Variants in SHC2 observed in about 807,000 individuals in gnomAD.
SHC2 encodes the protein SHC adaptor protein 2.
In SHC2, 62 loss-of-function variants were observed where a neutral mutation model predicts 60.6. The observed-to-expected ratio is 1.02, with a 90% CI of 0.83 to 1.26. SHC2 has a LOEUF of 1.26. Ranked by LOEUF, SHC2 falls within the 50% of genes most tolerant of loss-of-function variation. SHC2 has a pLI of 0.00. For synonymous variants in SHC2, 375 were observed against 372.4 expected, an observed-to-expected ratio of 1.01 and a Z score of -0.08; for missense variants, 873 against 822.2, an observed-to-expected ratio of 1.06 and a Z score of -0.76.
intron 1 of SHC2, among the ~76,000 whole-genome samples, chr19:450,390 G>A (rs777484094): frequency 6.6e-5 from 10 of 152,154 alleles, no homozygotes; most frequent in South Asian, 2.1e-4. Flanking sequence ...GTCTTTAATC[G>A]CACGGTTCAG....
intron 1 of SHC2, among the ~76,000 whole-genome samples, chr19:442,810 A>AGTGGATGG (rs1194648351): frequency 4.1e-4 from 6 of 14,542 alleles, no homozygotes; most frequent in Admixed American, 8.8e-4. Context: ...TGGGTGGATG[A>AGTGGATGG]GTGGATGGGT....
chr19:424,949 A>AC lies in SHC2; in HGVS notation c.1309+147dup, dbSNP rs1974371786. The stretch of plus-strand genomic sequence containing the variant: ...GAGACAGACTGGGCTTCCCCGTCCC[A>AC]CCCGTCGACTTGAAGGATCTCACGG... On this transcript the variant is annotated intron_variant, in intron 10 of 12. Coordinates refer to ENST00000264554, the MANE Select transcript of SHC2 (RefSeq NM_012435.3). This position sits in a 1 kb window ranked among gnomAD's most constrained non-coding sequence, Gnocchi z 4.5. 1.2e-6 allele frequency: 1 copy of AC among 866,586 alleles called. No homozygotes were observed. The highest frequency in any genetic ancestry group is 1.6e-6 in the Non-Finnish European group (1 of 620,490). 53.7% of individuals were successfully genotyped at this position (866,586 alleles called of 1,614,324 possible).
Position 438,828 on chromosome 19 carries a change from TGTTGGGGGCCTGA to T in SHC2, c.601-4_609del. ...TTGCCCAGGACGGACGCCAGGGCCTTGTTGGGGGCCTGAGTTGGGGGCGGAGCACAGCGAGGGC... is the reference window on the plus strand; with the variant it reads ...TTGCCCAGGACGGACGCCAGGGCCTTGTTGGGGGCGGAGCACAGCGAGGGC... On this transcript the variant is annotated splice_acceptor_variant and splice_polypyrimidine_tract_variant and coding_sequence_variant and intron_variant, in exon 4 of 13. Coordinates refer to ENST00000264554, the MANE Select transcript of SHC2 (RefSeq NM_012435.3). LOFTEE classifies it high-confidence loss of function. This position sits in a 1 kb window ranked among gnomAD's most constrained non-coding sequence, Gnocchi z 5.0. 1.3e-6 allele frequency: 2 copies of T among 1,567,534 alleles called. No homozygotes were observed. Among genetic ancestry groups the T allele is most frequent in the Non-Finnish European group, 1.7e-6 (2 of 1,157,324 alleles).
chr19:424,470 A>C lies in SHC2; in HGVS notation c.1309+627T>G, dbSNP rs1331504674. ...CTAGGGAGACCCAGAGTCAGCGTGC[A>C]AGACCAGCGGGCCAGGCAGTCGTCC... On this transcript the variant is annotated intron_variant, in intron 10 of 12. Coordinates refer to ENST00000264554, the MANE Select transcript of SHC2 (RefSeq NM_012435.3). This position sits in a 1 kb window ranked among gnomAD's most constrained non-coding sequence, Gnocchi z 4.5. 2.0e-5 allele frequency among the ~76,000 whole-genome samples: 3 copies of C among 152,088 alleles called. No individual in the cohort carries two copies. The highest frequency in any genetic ancestry group is 6.5e-5 in the Admixed American group (1 of 15,274).
In SHC2 at chr19:419,052, C is replaced by A. The variant is rs867856943; in HGVS notation, c.1625G>T (p.Arg542Leu). 1 of 1,580,850 alleles carries A rather than the reference C, an allele frequency of 6.3e-7. No homozygotes were observed. Among genetic ancestry groups the A allele is most frequent in the South Asian group, 1.2e-5 (1 of 86,352 alleles). The change falls in exon 12 of 13, where the codon CGG becomes CTG. Residue 542 changes from arginine (R) to leucine (L), a missense_variant. Arg to Leu is a moderately radical substitution (Grantham distance 102). Coordinates refer to ENST00000264554, the MANE Select transcript of SHC2 (RefSeq NM_012435.3). ...GCTCTCAAACAGCACGTCCTTCGTCCGTACCTGCGGGACAGAGACCTCGGC... is the reference window on the plus strand; with the variant it reads ...GCTCTCAAACAGCACGTCCTTCGTCAGTACCTGCGGGACAGAGACCTCGGC... The part of the protein sequence containing the change: ...LLLVDPEGVV[R>L]TKDVLFESIS...
rs1975515328 is a variant in SHC2, at chr19:460,456, G to A, written c.468+73C>T. Reference sequence around the variant, plus strand: ...GGGACACCTGGCTCGCGGGGTCCGGGGGTCCCGGAGGAGAGGGTGGGGGAG... The same window carrying A: ...GGGACACCTGGCTCGCGGGGTCCGGAGGTCCCGGAGGAGAGGGTGGGGGAG... On this transcript the variant is annotated intron_variant, in intron 1 of 12. Transcript: ENST00000264554. The A allele has an allele frequency of 1.6e-5, 12 of 759,254 alleles. No homozygotes were observed. The South Asian group carries it at 4.3e-4, about 27-fold the overall frequency. 47.0% of individuals were successfully genotyped at this position (759,254 alleles called of 1,614,324 possible). A position where few individuals can be genotyped will look rare whatever the true frequency, so the allele number is the denominator to read the frequency against.
intron 8 of SHC2, among the ~76,000 whole-genome samples, chr19:434,304 GTGAGATCGTGAC>G (rs1974652700): frequency 1.5e-4 from 1 of 6,654 alleles, no homozygotes; most frequent in Admixed American, 1.9e-3. Flanking sequence ...TCATGAGTGA[GTGAGATCGTGAC>G]TGAGATCATG....
Position 441,672 on chromosome 19 carries a change from A to G in SHC2, c.469-740T>C, listed in dbSNP as rs1029247296. Among the ~76,000 whole-genome samples the G allele has an allele frequency of 6.6e-5, 10 of 152,218 alleles. No homozygotes were observed. Among genetic ancestry groups the G allele is most frequent in the Non-Finnish European group, 1.0e-4 (7 of 68,038 alleles). Reference sequence around the variant, plus strand: ...CATGTGTGGGTGCCAGGAGCCGGGGAATGAAGGCTGACACGAACAGGTTTC... The same window carrying G: ...CATGTGTGGGTGCCAGGAGCCGGGGGATGAAGGCTGACACGAACAGGTTTC... On this transcript the variant is annotated intron_variant, in intron 1 of 12. Transcript: ENST00000264554. This position sits in a 1 kb window ranked among gnomAD's most constrained non-coding sequence, Gnocchi z 4.9.
intron 11 of SHC2, among the ~76,000 whole-genome samples, chr19:420,313 G>A (rs1974237663): frequency 6.6e-6 from 1 of 152,128 alleles, no homozygotes; most frequent in Non-Finnish European, 1.5e-5. Context: ...GGGTGCACAA[G>A]AGCCCCCACC....
At chr19:454,358 G>A (rs1975280070) in intron 1 of SHC2, among the ~76,000 whole-genome samples, 1 of 152,190 alleles carries the variant, frequency 6.6e-6, no homozygotes, top group African/African-American at 2.4e-5. Context: ...GAGCCCCACA[G>A]AGACAGGGGA....
In SHC2 at chr19:440,689, G is replaced by C. The variant is rs1376509825; in HGVS notation, c.539+173C>G. Among the ~76,000 whole-genome samples, 3 of 152,230 alleles carry C rather than the reference G, an allele frequency of 2.0e-5. No individual in the cohort carries two copies. Among genetic ancestry groups the C allele is most frequent in the Admixed American group, 1.3e-4 (2 of 15,290 alleles). The stretch of plus-strand genomic sequence containing the variant: ...CAGGGCACGGTGACCGACACCTGGC[G>C]TGGGGACAGGGCGGAGACGTGGCGT... On this transcript the variant is annotated intron_variant, in intron 2 of 12. Transcript: ENST00000264554. The surrounding 1 kb of genome is among the most constrained non-coding windows in gnomAD (Gnocchi z 7.0).
intron 1 of SHC2, among the ~76,000 whole-genome samples, chr19:454,311 G>A (rs1039092180): frequency 2.8e-4 from 43 of 152,234 alleles, no homozygotes; most frequent in African/African-American, 1.0e-3. Flanking sequence ...CAAAGTCGGC[G>A]GGGGATTCTC....
At chr19:431,379 A>G (rs1180782572) in intron 8 of SHC2, among the ~76,000 whole-genome samples, 2 of 131,938 alleles carry the variant, frequency 1.5e-5, no homozygotes, top group African/African-American at 3.3e-5. Flanking sequence ...GAGGCCAGGC[A>G]GATAGATGGC....
Position 446,984 on chromosome 19 carries a change from G to A in SHC2, c.469-6052C>T, listed in dbSNP as rs545030063. On this transcript the variant is annotated intron_variant, in intron 1 of 12. Coordinates refer to ENST00000264554, the MANE Select transcript of SHC2 (RefSeq NM_012435.3). This position sits in a 1 kb window ranked among gnomAD's most constrained non-coding sequence, Gnocchi z 5.4. Reference sequence around the variant, plus strand: ...CATAGGCTTTGCCATGGTCTGTATCGATGTCATTTACTTGGTATTTTCCTT... The same window carrying A: ...CATAGGCTTTGCCATGGTCTGTATCAATGTCATTTACTTGGTATTTTCCTT... Among the ~76,000 whole-genome samples, 36 of 152,266 alleles carry A rather than the reference G, an allele frequency of 2.4e-4. No individual in the cohort carries two copies. Among genetic ancestry groups the A allele is most frequent in the African/African-American group, 6.3e-4 (26 of 41,554 alleles).
chr19:440,828 G>A lies in SHC2; in HGVS notation c.539+34C>T. 6.3e-7 allele frequency: 1 copy of A among 1,588,052 alleles called. No individual in the cohort carries two copies. The highest frequency in any genetic ancestry group is 8.6e-7 in the Non-Finnish European group (1 of 1,157,596). ...CTGCCGCCCTCCAGTGCGTCACTCA[G>A]CCCTACGCGGCCAGGGCAGGGTTGG... On this transcript the variant is annotated intron_variant, in intron 2 of 12. Coordinates refer to ENST00000264554, the MANE Select transcript of SHC2 (RefSeq NM_012435.3). This position sits in a 1 kb window ranked among gnomAD's most constrained non-coding sequence, Gnocchi z 7.0.
intron 9 of SHC2, among the ~76,000 whole-genome samples, chr19:427,417 G>T (rs529700691): frequency 3.4e-4 from 51 of 152,216 alleles, no homozygotes; most frequent in Non-Finnish European, 6.8e-4. Flanking sequence ...GAGGGAGCGG[G>T]AAGGATCCTC....
chr19:441,113 C>T lies in SHC2; in HGVS notation c.469-181G>A, dbSNP rs983706683. The stretch of plus-strand genomic sequence containing the variant: ...AAGGCCCAGCCTTGACACTGTCCTG[C>T]GAGCCGCCCCCTCTGACTCCAGGCA... On this transcript the variant is annotated intron_variant, in intron 1 of 12. Transcript: ENST00000264554. This position sits in a 1 kb window ranked among gnomAD's most constrained non-coding sequence, Gnocchi z 4.9. 30 of 984,854 alleles carry T rather than the reference C, an allele frequency of 3.0e-5. No homozygotes were observed. Among genetic ancestry groups the T allele is most frequent in the Middle Eastern group, 5.2e-4 (1 of 1,936 alleles). 61.0% of individuals were successfully genotyped at this position (984,854 alleles called of 1,614,324 possible).
chr19:451,219 ACGCCGTGGC>A (rs1360075510), intron 1 of SHC2, among the ~76,000 whole-genome samples: 26,196 of 150,284 alleles, frequency 0.17, 2,543 homozygotes, highest in Middle Eastern at 0.24. Flanking sequence ...GTGGATGGCC[ACGCCGTGGC>A]CACGTCATAT....
intron 1 of SHC2, among the ~76,000 whole-genome samples, chr19:460,294 C>T (rs888537423): frequency 8.0e-6 from 1 of 125,706 alleles, no homozygotes; most frequent in Non-Finnish European, 1.9e-5. Context: ...CGCGCCCCTC[C>T]CCCGCCGCCC....
Sources: gnomAD v4.1 joint callset for allele counts (sites outside exome capture counted in the v4.1 genomes callset) on GRCh38, gnomAD v4.1.1 for gene constraint, Gnocchi (gnomAD v3.1) non-coding constraint, MANE v1.5 for transcripts, NCBI Gene and HGNC (gene_info 2026-07-23, HGNC 2026-07-21) for gene names.